The following ZNF677 variants were observed in gnomAD, a reference collection of about 807,000 sequenced individuals.
ZNF677 encodes zinc finger protein 677, also known as hypothetical protein MGC48625.
Under a neutral mutation model 8.1 loss-of-function variants are expected in ZNF677, and 5 were observed. That is an observed-to-expected ratio of 0.62 (90% CI 0.32 to 1.29). The LOEUF (loss-of-function observed/expected upper bound fraction) is 1.29, where lower values mean the gene tolerates loss of function less well. Among genes scored for constraint, ZNF677 ranks in the 50% most tolerant of loss-of-function variants. The pLI, the probability that ZNF677 is intolerant of heterozygous loss-of-function variation, is 0.05. For synonymous variants in ZNF677, 221 were observed against 225.6 expected (o/e 0.98, Z 0.18); for missense variants, 685 against 685.9 (o/e 1.00, Z 0.01).
chr19:53,250,650 A>C (rs1159517623), intron 3 of ZNF677, among the ~76,000 whole-genome samples: 1 of 152,168 alleles, frequency 6.6e-6, no homozygotes, highest in Admixed American at 6.5e-5. Flanking sequence ...GAGGGAAACA[A>C]CACACACTGG....
At chr19:53,247,237 T>C (rs1381143305) in intron 3 of ZNF677, among the ~76,000 whole-genome samples, 2 of 152,180 alleles carry the variant, frequency 1.3e-5, no homozygotes, top group Non-Finnish European at 2.9e-5. Flanking sequence ...GATTCCGTTT[T>C]TGCTGGGTGC....
chr19:53,251,504 A>G, intron 3 of ZNF677, 32 bp downstream of exon 3: 1 of 1,596,812 alleles, frequency 6.3e-7, no homozygotes, highest in Non-Finnish European at 8.6e-7. Context: ...GAAGGAGAGG[A>G]CAAAACAGTG....
chr19:53,237,684 T>G lies in ZNF677; in HGVS notation c.1043A>C (p.Lys348Thr), dbSNP rs1243681764. The G allele has an allele frequency of 6.2e-7, 1 of 1,613,170 alleles. No individual in the cohort carries two copies. Among genetic ancestry groups the G allele is most frequent in the Non-Finnish European group, 8.5e-7 (1 of 1,179,602 alleles). Residue 348 changes from lysine (K) to threonine (T), a missense_variant, in exon 5 of 5, where the codon AAA (lysine) becomes ACA (threonine). By Grantham distance (78) the Lys-to-Thr change is moderately conservative (BLOSUM62 -1). Coordinates refer to ENST00000598513, the MANE Select transcript of ZNF677 (RefSeq NM_182609.4). ...AAATGCCTTACCACATTCATTACAT[T>G]TGTAAGGTTTCTCTCCAGTATGCAT... ...QRMHTGEKPY[K>T]CNECGKAFIQ...
chr19:53,241,042 G>C (rs1031219326), intron 4 of ZNF677: 11 of 151,910 alleles, frequency 7.2e-5, no homozygotes, highest in African/African-American at 2.7e-4. Flanking sequence ...TAAAGTTACA[G>C]GAAACAGAAG....
chr19:53,249,815 G>A (rs540914216), intron 3 of ZNF677, among the ~76,000 whole-genome samples: 8 of 152,262 alleles, frequency 5.3e-5, no homozygotes, highest in Non-Finnish European at 1.2e-4. Flanking sequence ...ATGACAGAAA[G>A]TTCTGCTCAC....
chr19:53,239,323 AG>A (rs1443567013), intron 4 of ZNF677: 3 of 152,244 alleles, frequency 2.0e-5, no homozygotes, highest in African/African-American at 7.2e-5. Context: ...TATGAACTAC[AG>A]AAAAAACAGA....
At position 53,238,238 on chromosome 19, in the gene ZNF677, C is replaced by T; in HGVS notation, c.489G>A (p.Lys163=). ...GTTTTAACAAATTCCTTATAAATGGCTTGTCATGGATGAAATACTGGTGTG... is the reference window on the plus strand; with the variant it reads ...GTTTTAACAAATTCCTTATAAATGGTTTGTCATGGATGAAATACTGGTGTG... ...DSAHQYFIHD[K]PFIRNLLKLK... is the part of the protein sequence containing the mutation. Residue 163 remains lysine (K), a synonymous_variant, in exon 5 of 5, where the codon AAG becomes AAA. Transcript: ENST00000598513. 6 of 1,613,976 alleles carry T rather than the reference C, an allele frequency of 3.7e-6. No individual in the cohort carries two copies. The highest frequency in any genetic ancestry group is 5.1e-6 in the Non-Finnish European group (6 of 1,179,952).
chr19:53,241,750 G>A (rs369219002), intron 4 of ZNF677: 24 of 397,538 alleles, frequency 6.0e-5, no homozygotes, highest in African/African-American at 4.5e-4. Context: ...GCTTCAAGAG[G>A]CACCTCTATG....
chr19:53,237,567 C>A lies in ZNF677; in HGVS notation c.1160G>T (p.Arg387Leu), dbSNP rs780093697. 1 of 1,613,550 alleles carries A rather than the reference C, an allele frequency of 6.2e-7. No homozygotes were observed. The highest frequency in any genetic ancestry group is 1.3e-5 in the African/African-American group (1 of 74,770). Reference sequence around the variant, plus strand: ...TCTCTTATGTTGGGTAAGGCTTGAACGTTCAGCAAAGGCTTTGTCACATTC... The same window carrying A: ...TCTCTTATGTTGGGTAAGGCTTGAAAGTTCAGCAAAGGCTTTGTCACATTC... ...CNECDKAFAE[R>L]SSLTQHKRIH... Residue 387 changes from arginine to leucine, a missense_variant, in exon 5 of 5, where the codon CGT becomes CTT. Coordinates refer to ENST00000598513, the MANE Select transcript of ZNF677 (RefSeq NM_182609.4).
intron 3 of ZNF677, 81 bp downstream of exon 3, chr19:53,251,455 G>T: frequency 8.6e-7 from 1 of 1,159,952 alleles, no homozygotes; most frequent in Non-Finnish European, 1.3e-6. Flanking sequence ...ACACTTCAGA[G>T]TCAGATAAAA....
chr19:53,251,536 C>T lies in ZNF677; in HGVS notation c.15G>A (p.Gln5=), dbSNP rs562610543. The stretch of plus-strand genomic sequence containing the variant: ...AGTGAACCAAGAATATAACTTTTAC[C>T]TGAGAAAGAGCCATTCCCTCCTCTT... MALS[Q]GLFTFKDVAI... The change falls in exon 3 of 5, where the codon CAG becomes CAA. Residue 5 remains glutamine, a splice_region_variant and synonymous_variant. Coordinates refer to ENST00000598513, the MANE Select transcript of ZNF677 (RefSeq NM_182609.4). 1.4e-5 allele frequency: 23 copies of T among 1,613,484 alleles called. No individual in the cohort carries two copies. The highest frequency in any genetic ancestry group is 1.9e-5 in the Non-Finnish European group (22 of 1,179,568).
chr19:53,246,316 C>T (rs12978393), intron 3 of ZNF677, among the ~76,000 whole-genome samples: 87,995 of 126,450 alleles, frequency 0.7, 30,783 homozygotes, highest in African/African-American at 0.81. Flanking sequence ...AGACTCCGTC[C>T]CAAAAAAAAA....
intron 3 of ZNF677, among the ~76,000 whole-genome samples, chr19:53,248,688 G>A (rs566350013): frequency 7.6e-4 from 115 of 152,202 alleles, no homozygotes; most frequent in African/African-American, 2.5e-3. Flanking sequence ...ATCTTTTTGA[G>A]GGTCACTGTA....
At chr19:53,248,023 A>T (rs890220985) in intron 3 of ZNF677, among the ~76,000 whole-genome samples, 1 of 152,214 alleles carries the variant, frequency 6.6e-6, no homozygotes, top group Non-Finnish European at 1.5e-5. Flanking sequence ...TGTTTTTCAC[A>T]TGCCTATCTT....
chr19:53,247,116 G>A (rs113110921), intron 3 of ZNF677, among the ~76,000 whole-genome samples: 6 of 152,306 alleles, frequency 3.9e-5, no homozygotes, highest in African/African-American at 1.4e-4. Context: ...CGATTGTGGT[G>A]TGAGAATAGT....
intron 4 of ZNF677, chr19:53,243,331 G>C (rs2091084432): frequency 4.6e-6 from 1 of 217,204 alleles, no homozygotes; most frequent in African/African-American, 2.5e-5. Flanking sequence ...GCTACGAAGA[G>C]AGGACATTAC....
chr19:53,237,713 CTGA>C lies in ZNF677; in HGVS notation c.1011_1013del (p.His337del). ...AAGGTTTCTCTCCAGTATGCATCCTCTGATGACTTGCAAGATTTGAATTTTGAC... is the reference window on the plus strand; with the variant it reads ...AAGGTTTCTCTCCAGTATGCATCCTCTGACTTGCAAGATTTGAATTTTGAC... On this transcript the variant is annotated inframe_deletion, in exon 5 of 5. Coordinates refer to ENST00000598513, the MANE Select transcript of ZNF677 (RefSeq NM_182609.4). 4 of 1,613,790 alleles carry C rather than the reference CTGA, an allele frequency of 2.5e-6. No individual in the cohort carries two copies. Among genetic ancestry groups the C allele is most frequent in the Non-Finnish European group, 3.4e-6 (4 of 1,179,862 alleles).
chr19:53,244,005 A>C, intron 3 of ZNF677, 108 bp from the exon 4 acceptor site: 2 of 1,002,444 alleles, frequency 2.0e-6, no homozygotes, highest in Middle Eastern at 4.4e-4. Flanking sequence ...GAGTTAATGC[A>C]AGCAACTTAT....
At position 53,237,426 on chromosome 19, in the gene ZNF677, T is replaced by C. The variant is rs2146929065; in HGVS notation, c.1301A>G (p.Asn434Ser). ...TTGGATAAAAGCCCTGCCACACACA[T>C]TACATTTGTGTGGTTTCTCTCCAGG... ...IHPGEKPHKCNVCGRAFIQSS... is the reference protein window; with the variant it reads ...IHPGEKPHKCSVCGRAFIQSS... The change falls in exon 5 of 5, where the codon AAT becomes AGT. Residue 434 changes from asparagine (N) to serine (S), a missense_variant. Asn to Ser is a conservative substitution (Grantham distance 46). Transcript: ENST00000598513. 6.2e-7 allele frequency: 1 copy of C among 1,614,048 alleles called. No individual in the cohort carries two copies. Among genetic ancestry groups the C allele is most frequent in the Non-Finnish European group, 8.5e-7 (1 of 1,180,000 alleles).
Sources: gnomAD v4.1 joint callset for allele counts (sites outside exome capture counted in the v4.1 genomes callset) on GRCh38, gnomAD v4.1.1 for gene constraint, MANE v1.5 for transcripts, NCBI Gene and HGNC (gene_info 2026-07-23, HGNC 2026-07-21) for gene names.